The following ADAMTSL3 variants were observed in gnomAD, a reference collection of about 807,000 sequenced individuals.
ADAMTSL3 encodes ADAMTS like 3, also known as ADAMTS-like protein 3.
ADAMTSL3 carries 128 observed loss-of-function variants against 201.7 expected under a neutral mutation model. That is an observed-to-expected ratio of 0.63 (90% CI 0.55 to 0.73). The LOEUF (loss-of-function observed/expected upper bound fraction) is 0.73. ADAMTSL3 is among the 30% of genes least tolerant of loss of function. ADAMTSL3 has a pLI of 0.00. For missense variants in ADAMTSL3, 1,990 were observed against 2,119.6 expected, an observed-to-expected ratio of 0.94 and a Z score of 1.20; for synonymous variants, 738 against 748.4, an observed-to-expected ratio of 0.99 and a Z score of 0.23.
At chr15:84,031,571 G>A in intron 28 of ADAMTSL3, 139 bp downstream of exon 28, 1 of 705,486 alleles carries the variant, frequency 1.4e-6, no homozygotes, top group Non-Finnish European at 2.4e-6. Context: ...TTTATTTAGT[G>A]TCATCTTCAA....
At chr15:83,976,079 A>G (rs958656219) in intron 20 of ADAMTSL3, among the ~76,000 whole-genome samples, 1 of 152,166 alleles carries the variant, frequency 6.6e-6, no homozygotes, top group Admixed American at 6.5e-5. Flanking sequence ...CCGATGCCTG[A>G]TGAGAGTTGG....
At chr15:83,655,939 C>A in intron 2 of ADAMTSL3, 109 bp downstream of exon 2, 3 of 1,131,710 alleles carry the variant, frequency 2.7e-6, no homozygotes, top group East Asian at 2.6e-5. Context: ...AATCCTACAC[C>A]AGAGAACCAG....
rs1332636809 is a variant in ADAMTSL3 at position 83,942,784 on chromosome 15, A to G, written c.2306A>G (p.Gln769Arg). Residue 769 changes from glutamine (Q) to arginine (R), a missense_variant, in exon 18 of 30, where the codon CAG becomes CGG. Transcript: ENST00000286744. ...CCTGGCTGGCACATTGAAGAATGGC[A>G]GCAGGTAGGGCAGACTGGCCACTCC... ...CPPGWHIEEW[Q>R]QCSRTCGGGT... The G allele has an allele frequency of 1.2e-6, 2 of 1,612,908 alleles. No homozygotes were observed. Among genetic ancestry groups the G allele is most frequent in the Non-Finnish European group, 1.7e-6 (2 of 1,179,584 alleles).
At chr15:83,804,605 CTATGAAA>C (rs1201733320) in intron 4 of ADAMTSL3, 38 bp from the exon 5 acceptor site, 1 of 1,009,056 alleles carries the variant, frequency 9.9e-7, no homozygotes, top group Non-Finnish European at 1.4e-6. Context: ...CTTGCCTCTT[CTATGAAA>C]TCATTATTTC....
At chr15:83,791,618 G>A (rs2063346042) in intron 4 of ADAMTSL3, among the ~76,000 whole-genome samples, 1 of 152,156 alleles carries the variant, frequency 6.6e-6, no homozygotes, top group Non-Finnish European at 1.5e-5. Flanking sequence ...CAACACTTTG[G>A]GAGGCCGAGG....
intron 3 of ADAMTSL3, among the ~76,000 whole-genome samples, chr15:83,733,989 G>T (rs2062328791): frequency 6.6e-6 from 1 of 152,144 alleles, no homozygotes; most frequent in South Asian, 2.1e-4. Context: ...TTTAATTAAA[G>T]ATTGGTATTC....
chr15:83,875,838 A>C (rs1468071024), intron 9 of ADAMTSL3, among the ~76,000 whole-genome samples: 1 of 152,130 alleles, frequency 6.6e-6, no homozygotes, highest in East Asian at 1.9e-4. Flanking sequence ...TGTATGTGTA[A>C]GACACAGGAG....
At chr15:83,807,381 G>A (rs1018219101) in intron 5 of ADAMTSL3, among the ~76,000 whole-genome samples, 2 of 152,132 alleles carry the variant, frequency 1.3e-5, no homozygotes, top group Admixed American at 1.3e-4. Context: ...ACTCGAACCC[G>A]GGAGGTGGGA....
chr15:83,952,075 T>C (rs982882182), intron 19 of ADAMTSL3, among the ~76,000 whole-genome samples: 5 of 152,198 alleles, frequency 3.3e-5, no homozygotes, highest in African/African-American at 1.2e-4. Flanking sequence ...TTCTTCTTTT[T>C]TGATGTAGGC....
At chr15:83,959,882 AG>A (rs1168551610) in intron 19 of ADAMTSL3, among the ~76,000 whole-genome samples, 1 of 152,210 alleles carries the variant, frequency 6.6e-6, no homozygotes, top group Non-Finnish European at 1.5e-5. Flanking sequence ...TCCAGAAAAA[AG>A]GGTTTACAAA....
intron 4 of ADAMTSL3, among the ~76,000 whole-genome samples, chr15:83,776,396 A>G (rs2063075071): frequency 6.6e-6 from 1 of 152,172 alleles, no homozygotes; most frequent in South Asian, 2.1e-4. Flanking sequence ...CAAACAATAA[A>G]CAAACAATCA....
At chr15:83,668,907 A>G (rs1357383550) in intron 2 of ADAMTSL3, among the ~76,000 whole-genome samples, 2 of 152,194 alleles carry the variant, frequency 1.3e-5, no homozygotes, top group Non-Finnish European at 2.9e-5. Context: ...TGATAGAGAT[A>G]CAAAAAACCC....
chr15:83,898,121 A>T, intron 14 of ADAMTSL3, 116 bp downstream of exon 14: 1 of 1,160,794 alleles, frequency 8.6e-7, no homozygotes, highest in Non-Finnish European at 1.2e-6. Context: ...TTTTATTGAC[A>T]GATTGCAATA....
chr15:83,866,998 A>C (rs1330225053), intron 8 of ADAMTSL3, among the ~76,000 whole-genome samples: 1 of 152,216 alleles, frequency 6.6e-6, no homozygotes, highest in African/African-American at 2.4e-5. Context: ...TTGCTGATGA[A>C]TAGAACTGGC....
intron 2 of ADAMTSL3, among the ~76,000 whole-genome samples, chr15:83,676,679 A>T (rs530029629): frequency 2.8e-4 from 43 of 152,332 alleles, no homozygotes; most frequent in African/African-American, 1.0e-3. Flanking sequence ...CTCCATCTCA[A>T]CAACAACAAC....
chr15:83,762,056 ATTTT>A (rs11448050), intron 3 of ADAMTSL3, among the ~76,000 whole-genome samples: 8 of 145,234 alleles, frequency 5.5e-5, no homozygotes, highest in African/African-American at 2.0e-4. Context: ...CCAGAATATG[ATTTT>A]TTTTTTTTTG....
chr15:83,837,660 C>T (rs977078142), intron 6 of ADAMTSL3, among the ~76,000 whole-genome samples: 1 of 151,558 alleles, frequency 6.6e-6, no homozygotes, highest in African/African-American at 2.4e-5. Flanking sequence ...AGGCCTGTGA[C>T]TCAACCTCCC....
intron 23 of ADAMTSL3, 76 bp downstream of exon 23, chr15:83,991,290 C>T: frequency 1.3e-6 from 2 of 1,593,250 alleles, no homozygotes; most frequent in East Asian, 2.2e-5. Flanking sequence ...CCAGGAAACA[C>T]CAGCTGGCAT....
In ADAMTSL3 at chr15:83,819,797, C is replaced by T. The variant is rs766634485; in HGVS notation, c.364-14C>T. On this transcript the variant is annotated splice_polypyrimidine_tract_variant and intron_variant, in intron 5 of 29. Coordinates refer to ENST00000286744, the MANE Select transcript of ADAMTSL3 (RefSeq NM_207517.3). ...CTGGGTGATGTGCATGTGGCCTTTT[C>T]CCTCTGCCCCCAGGACTGCCCTCCA... 7 of 1,606,270 alleles carry T rather than the reference C, an allele frequency of 4.4e-6. No homozygotes were observed. Among genetic ancestry groups the T allele is most frequent in the Non-Finnish European group, 5.1e-6 (6 of 1,173,898 alleles).
Sources: allele counts gnomAD v4.1 joint callset (sites outside exome capture counted in the v4.1 genomes callset), GRCh38; gene constraint gnomAD v4.1.1; transcripts MANE v1.5; gene names NCBI Gene and HGNC (gene_info 2026-07-23, HGNC 2026-07-21).